Variants in EEA1 observed in about 807,000 individuals in gnomAD.
The protein encoded by EEA1 is early endosome antigen 1, also known as early endosome antigen 1, 162kD.
In EEA1, 111 loss-of-function variants were observed where a neutral mutation model predicts 209.2. The ratio of observed to expected loss-of-function variants is 0.53; its 90% CI spans 0.45 to 0.62. The LOEUF is 0.62. Among genes scored for constraint, EEA1 ranks in the 20% least tolerant of loss-of-function variants. The probability of loss-of-function intolerance (pLI) is 0.00; values close to 1 mark genes in which losing one functional copy is unlikely to be tolerated. For synonymous variants in EEA1, 536 were observed against 540.6 expected, an observed-to-expected ratio of 0.99 and a Z score of 0.12; for missense variants, 1,343 against 1,530.8, an observed-to-expected ratio of 0.88 and a Z score of 2.05.
At chr12:92,924,842 A>T (rs1260925484) in intron 1 of EEA1, among the ~76,000 whole-genome samples, 4 of 11,392 alleles carry the variant, frequency 3.5e-4, no homozygotes, top group African/African-American at 2.0e-3. Flanking sequence ...TAACATGCTA[A>T]AAAAAAAAAA....
Position 92,819,627 on chromosome 12 carries a change from A to T in EEA1, c.1525-116T>A. The T allele has an allele frequency of 6.0e-6, 4 of 670,676 alleles. No individual in the cohort carries two copies. In the South Asian group the frequency reaches 8.5e-5, roughly 14 times the overall value. 41.5% of individuals were successfully genotyped at this position (670,676 alleles called of 1,614,324 possible). ...TCAAATACTCAGTCTTACATTTTTT[A>T]AAACTATTACATTTCAATATGGTAA... On this transcript the variant is annotated intron_variant, in intron 13 of 28. Transcript: ENST00000322349.
rs758247041 is a variant in EEA1 at position 92,819,305 on chromosome 12, T to A, written c.1728+3A>T. ...ACAAATATAATATATTTTACAAGCT[T>A]ACTTGCTCCTGTAGTGTATGGTTTT... On this transcript the variant is annotated splice_donor_region_variant and intron_variant, in intron 14 of 28. Coordinates refer to ENST00000322349, the MANE Select transcript of EEA1 (RefSeq NM_003566.4). The A allele has an allele frequency of 6.3e-7, 1 of 1,583,682 alleles. No individual in the cohort carries two copies. Among genetic ancestry groups the A allele is most frequent in the Non-Finnish European group, 8.6e-7 (1 of 1,168,098 alleles).
chr12:92,921,493 A>G (rs9804829), intron 1 of EEA1, among the ~76,000 whole-genome samples: 3 of 114,702 alleles, frequency 2.6e-5, no homozygotes, highest in South Asian at 2.8e-4. Context: ...GTAAACTATC[A>G]CAAGAACAAA....
In EEA1 at chr12:92,774,724, C is replaced by T. The variant is rs1873582405; in HGVS notation, c.*1287G>A. ...CTAAATACATTTGTTTTTGGTGATA[C>T]TCTATTTCTAGGTGTTAGTTACTTA... On this transcript the variant is annotated 3_prime_UTR_variant, in exon 29 of 29. Coordinates refer to ENST00000322349, the MANE Select transcript of EEA1 (RefSeq NM_003566.4). The T allele has an allele frequency of 6.6e-6, 1 of 151,542 alleles. No homozygotes were observed. The highest frequency in any genetic ancestry group is 2.4e-5 in the African/African-American group (1 of 41,368). 9.4% of individuals were successfully genotyped at this position (151,542 alleles called of 1,614,324 possible).
chr12:92,819,354 GC>G lies in EEA1; in HGVS notation c.1681del (p.Ala561LeufsTer17). On this transcript the variant is annotated frameshift_variant, in exon 14 of 29. Coordinates refer to ENST00000322349, the MANE Select transcript of EEA1 (RefSeq NM_003566.4). LOFTEE classifies it high-confidence loss of function. ...AKIQAGEGETAVLNQLQEKNH... is the reference protein window; with the variant it reads ...AKIQAGEGETXVLNQLQEKNH... ...TTTTTCTTGTAACTGGTTAAGAACA[GC>G]AGTCTCTCCTTCACCAGCCTGAATT... 6.2e-7 allele frequency: 1 copy of G among 1,612,748 alleles called. No homozygotes were observed.
chr12:92,793,866 AAAATAGAC>A (rs1292695473), intron 21 of EEA1, among the ~76,000 whole-genome samples: 1 of 152,194 alleles, frequency 6.6e-6, no homozygotes, highest in East Asian at 1.9e-4. Flanking sequence ...AACAAAAGAC[AAAATAGAC>A]AAATGGGATC....
At chr12:92,869,805 A>C (rs1878560230) in intron 2 of EEA1, among the ~76,000 whole-genome samples, 1 of 139,954 alleles carries the variant, frequency 7.1e-6, no homozygotes, top group South Asian at 2.2e-4. Flanking sequence ...CCCTTATTTT[A>C]AGTGCAGAGT....
chr12:92,806,350 T>C (rs916799698), intron 18 of EEA1, among the ~76,000 whole-genome samples: 3 of 152,102 alleles, frequency 2.0e-5, no homozygotes, highest in African/African-American at 7.2e-5. Context: ...AAAAGTGTAA[T>C]ATTATGAACA....
chr12:92,844,090 CTTATT>C (rs1482386131), intron 9 of EEA1, among the ~76,000 whole-genome samples: 3 of 151,962 alleles, frequency 2.0e-5, no homozygotes, highest in Non-Finnish European at 4.4e-5. Flanking sequence ...AACACTTGGG[CTTATT>C]TTATTTTAAT....
Position 92,827,987 on chromosome 12 carries a change from A to T in EEA1, c.1329T>A (p.Leu443=). ...CTTTATCCATCAACTTTTCACTTGA[A>T]AGCTGTCTCTGTTCCTTCAGCCTAC... ...AHGRLKEQRQ[L]SSEKLMDKEQ... The change falls in exon 12 of 29, where the codon CTT becomes CTA. Residue 443 remains leucine, a synonymous_variant. Transcript: ENST00000322349. 1 of 1,603,950 alleles carries T rather than the reference A, an allele frequency of 6.2e-7. No individual in the cohort carries two copies. Among genetic ancestry groups the T allele is most frequent in the South Asian group, 1.1e-5 (1 of 89,048 alleles).
At position 92,870,678 on chromosome 12, in the gene EEA1, G is replaced by A. The variant is rs373053914; in HGVS notation, c.118-5691C>T. ...GTCTTTTTCCTTTTTTTTTTTTGGCGGTGGTGGGGCAGGGACGGGACAGAG... is the reference window on the plus strand; with the variant it reads ...GTCTTTTTCCTTTTTTTTTTTTGGCAGTGGTGGGGCAGGGACGGGACAGAG... On this transcript the variant is annotated intron_variant, in intron 2 of 28. Coordinates refer to ENST00000322349, the MANE Select transcript of EEA1 (RefSeq NM_003566.4). Among the ~76,000 whole-genome samples, 20 of 150,234 alleles carry A rather than the reference G, an allele frequency of 1.3e-4. No individual in the cohort carries two copies. In the East Asian group the frequency reaches 2.9e-3, roughly 22 times the overall value.
intron 3 of EEA1, chr12:92,859,167 T>C: frequency 1.3e-6 from 2 of 1,598,228 alleles, no homozygotes; most frequent in Non-Finnish European, 1.7e-6. Context: ...CTAGGGTCAT[T>C]GTCAGGGATC....
At chr12:92,878,942 C>T (rs1184345019) in intron 2 of EEA1, among the ~76,000 whole-genome samples, 1 of 152,062 alleles carries the variant, frequency 6.6e-6, no homozygotes, top group East Asian at 1.9e-4. Context: ...AATACACTTC[C>T]CAAAAAGAAA....
At chr12:92,922,200 G>T (rs1303110561) in intron 1 of EEA1, among the ~76,000 whole-genome samples, 1 of 152,030 alleles carries the variant, frequency 6.6e-6, no homozygotes, top group Non-Finnish European at 1.5e-5. Context: ...ATCTCCACTT[G>T]GGAAGTCCAG....
intron 18 of EEA1, among the ~76,000 whole-genome samples, chr12:92,807,517 G>A (rs911939873): frequency 3.3e-5 from 5 of 152,104 alleles, no homozygotes; most frequent in African/African-American, 9.7e-5. Context: ...CAGATAACAT[G>A]AATGTCTAGT....
At chr12:92,813,425 A>G (rs1424968011) in intron 15 of EEA1, among the ~76,000 whole-genome samples, 1 of 152,222 alleles carries the variant, frequency 6.6e-6, no homozygotes, top group Non-Finnish European at 1.5e-5. Flanking sequence ...AAAGTCTACC[A>G]CTATTATGAT....
Position 92,851,823 on chromosome 12 carries a change from A to C in EEA1, c.642+352T>G, listed in dbSNP as rs570866902. Among the ~76,000 whole-genome samples, 194 of 152,246 alleles carry C rather than the reference A, an allele frequency of 1.3e-3. 2 individuals are homozygous for C. Among genetic ancestry groups the C allele is most frequent in the African/African-American group, 4.2e-3 (175 of 41,574 alleles). The stretch of plus-strand genomic sequence containing the variant: ...TTGATTTTATACTTGTTGAATTTGA[A>C]ATTAAAGCTAGAAATTCAACACAAA... On this transcript the variant is annotated intron_variant, in intron 8 of 28. Transcript: ENST00000322349.
chr12:92,852,186 T>G lies in EEA1; in HGVS notation c.631A>C (p.Lys211Gln). ...AATTCCTAAATTACCAGTTCCGTCTTCAGATCTTGAATTACAGTTGCCTCT... is the reference window on the plus strand; with the variant it reads ...AATTCCTAAATTACCAGTTCCGTCTGCAGATCTTGAATTACAGTTGCCTCT... ...NKEATVIQDL[K>Q]TELLQRPGIE... Residue 211 changes from lysine to glutamine, a missense_variant, in exon 8 of 29, where the codon AAG becomes CAG. Transcript: ENST00000322349. 3 of 1,580,894 alleles carry G rather than the reference T, an allele frequency of 1.9e-6. No individual in the cohort carries two copies. Among genetic ancestry groups the G allele is most frequent in the Non-Finnish European group, 2.6e-6 (3 of 1,166,846 alleles).
At chr12:92,823,886 T>C (rs1876174345) in intron 13 of EEA1, among the ~76,000 whole-genome samples, 1 of 152,234 alleles carries the variant, frequency 6.6e-6, no homozygotes, top group East Asian at 1.9e-4. Context: ...GAAAGCCCAC[T>C]TGGCTGCTGA....
Sources: gnomAD v4.1 joint callset for allele counts (sites outside exome capture counted in the v4.1 genomes callset) on GRCh38, gnomAD v4.1.1 for gene constraint, MANE v1.5 for transcripts, NCBI Gene and HGNC (gene_info 2026-07-23, HGNC 2026-07-21) for gene names.